PEX1: variants seen among roughly 807,000 people sequenced by gnomAD.
PEX1 encodes the protein peroxisomal biogenesis factor 1.
In PEX1, 97 loss-of-function variants were observed where a neutral mutation model predicts 152.5. The observed-to-expected ratio is 0.64, with a 90% confidence interval of 0.54 to 0.75. The LOEUF is 0.75. PEX1 is among the 30% of genes least tolerant of loss of function. PEX1 has a pLI of 0.00. For missense variants in PEX1, 1,357 were observed against 1,516.3 expected, an observed-to-expected ratio of 0.89 and a Z score of 1.74; for synonymous variants, 485 against 531.6, an observed-to-expected ratio of 0.91 and a Z score of 1.21.
intron 5 of PEX1, among the ~76,000 whole-genome samples, chr7:92,517,045 CTGAACCTATCTAAGCT>C (rs1792819256): frequency 6.6e-6 from 1 of 152,194 alleles, no homozygotes; most frequent in Non-Finnish European, 1.5e-5. Context: ...CCTCTCTGGC[CTGAACCTATCTAAGCT>C]TGTACCTATT....
chr7:92,490,610 G>A, intron 21 of PEX1, among the ~76,000 whole-genome samples: 1 of 134,170 alleles, frequency 7.5e-6, no homozygotes, highest in African/African-American at 2.8e-5. Flanking sequence ...ACTCTAGTCT[G>A]GATGATAGAG....
chr7:92,509,459 T>C (rs1411907080), intron 8 of PEX1, 48 bp from the exon 9 acceptor site: 2 of 1,383,194 alleles, frequency 1.4e-6, no homozygotes, highest in Non-Finnish European at 2.1e-6. Context: ...GTATGTCTTT[T>C]GCATGTTTTT....
chr7:92,501,154 G>A (rs1171314097), intron 15 of PEX1, among the ~76,000 whole-genome samples: 4 of 152,040 alleles, frequency 2.6e-5, no homozygotes, highest in Non-Finnish European at 5.9e-5. Context: ...GCAAGACTCC[G>A]TCTCTAAGAA....
Position 92,517,629 on chromosome 7 carries a change from T to C in PEX1, c.886A>G (p.Ser296Gly), listed in dbSNP as rs1360172436. The C allele has an allele frequency of 2.5e-6, 4 of 1,614,032 alleles. No individual in the cohort carries two copies. In the East Asian group the frequency reaches 8.9e-5, roughly 36 times the overall value. The part of the protein sequence containing the change: ...IFRVCKSQPP[S>G]IYNASATSVF... The stretch of plus-strand genomic sequence containing the variant: ...GAGGTTGCTGACGCGTTATATATAC[T>C]AGGAGGTTGAGATTTGCATACTCTG... The change falls in exon 5 of 24, where the codon AGT becomes GGT. Residue 296 changes from serine to glycine, a missense_variant. Transcript: ENST00000248633.
intron 4 of PEX1, 37 bp downstream of exon 4, chr7:92,518,104 T>C (rs1374078660): frequency 6.2e-7 from 1 of 1,605,696 alleles, no homozygotes; most frequent in East Asian, 2.2e-5. Context: ...AATGCTATAG[T>C]GTAGAATATG....
At chr7:92,523,213 TA>T (rs1183772707) in intron 1 of PEX1, among the ~76,000 whole-genome samples, 1 of 152,256 alleles carries the variant, frequency 6.6e-6, no homozygotes, top group Non-Finnish European at 1.5e-5. Flanking sequence ...CAATTTGGTC[TA>T]TTTCTTGTTA....
chr7:92,502,280 TGTG>T (rs1313742102), intron 13 of PEX1, among the ~76,000 whole-genome samples: 1 of 152,114 alleles, frequency 6.6e-6, no homozygotes, highest in African/African-American at 2.4e-5. Flanking sequence ...TTTCCTTAAT[TGTG>T]GTGATGGTTT....
rs563450575 is a variant in PEX1, at chr7:92,516,517, T to TG, written c.1239+758dup. ...GTATAAAGGTCACAGGTAAAACTGT[T>TG]GGAGAAAAAAAAAAAATCTACAAAA... On this transcript the variant is annotated intron_variant, in intron 5 of 23. Transcript: ENST00000248633. 1.5e-3 allele frequency among the ~76,000 whole-genome samples: 223 copies of TG among 152,012 alleles called. 1 individual carries two copies. The highest frequency in any genetic ancestry group is 5.0e-3 in the African/African-American group (208 of 41,460).
intron 2 of PEX1, among the ~76,000 whole-genome samples, chr7:92,519,672 A>G (rs1792967911): frequency 6.6e-6 from 1 of 152,230 alleles, no homozygotes; most frequent in South Asian, 2.1e-4. Context: ...TGCTTCAAGA[A>G]AAGTGAAAAA....
intron 16 of PEX1, 25 bp downstream of exon 16, chr7:92,499,675 TAAAA>T (rs748303913): frequency 3.2e-6 from 5 of 1,584,084 alleles, no homozygotes; most frequent in Non-Finnish European, 4.3e-6. Flanking sequence ...TTTACCTAAA[TAAAA>T]AAAGAAGATA....
chr7:92,496,914 G>A lies in PEX1; in HGVS notation c.2719-137C>T, dbSNP rs558925234. The A allele has an allele frequency of 5.9e-6, 4 of 677,466 alleles. No homozygotes were observed. In the East Asian group the frequency reaches 8.2e-5, roughly 14 times the overall value. 42.0% of individuals were successfully genotyped at this position (677,466 alleles called of 1,614,324 possible). Reference sequence around the variant, plus strand: ...TCTTTTATACATTTTTAAAATTAATGTGTGCTAGAATAAATATCATACCAC... The same window carrying A: ...TCTTTTATACATTTTTAAAATTAATATGTGCTAGAATAAATATCATACCAC... On this transcript the variant is annotated intron_variant, in intron 16 of 23. Transcript: ENST00000248633.
chr7:92,511,066 T>C lies in PEX1; in HGVS notation c.1484-19A>G. On this transcript the variant is annotated intron_variant, in intron 7 of 23. Transcript: ENST00000248633. ...TTCAGTCCTATTAAAAAGAAAGTAA[T>C]AAATGCAGAGTTAGTACTGAAACAG... 9.1e-7 allele frequency: 1 copy of C among 1,102,270 alleles called. No homozygotes were observed. Among genetic ancestry groups the C allele is most frequent in the Non-Finnish European group, 1.4e-6 (1 of 716,594 alleles). 68.3% of individuals were successfully genotyped at this position (1,102,270 alleles called of 1,614,324 possible).
At chr7:92,488,724 A>C (rs1230978850) in intron 23 of PEX1, among the ~76,000 whole-genome samples, 3 of 151,626 alleles carry the variant, frequency 2.0e-5, no homozygotes, top group Non-Finnish European at 4.4e-5. Flanking sequence ...CTTCGAAGTT[A>C]CTAAATTTTT....
rs533745745 is a variant in PEX1, at chr7:92,509,733, A to C, written c.1588-322T>G. On this transcript the variant is annotated intron_variant, in intron 8 of 23. Transcript: ENST00000248633. ...TTCTCCAAATGGTATTCCTTCAATAACATTTCAAAAATAAAGAAACAATGT... is the reference window on the plus strand; with the variant it reads ...TTCTCCAAATGGTATTCCTTCAATACCATTTCAAAAATAAAGAAACAATGT... Among the ~76,000 whole-genome samples, 13 of 152,332 alleles carry C rather than the reference A, an allele frequency of 8.5e-5. No homozygotes were observed. In the East Asian group the frequency reaches 2.1e-3, roughly 25 times the overall value.
chr7:92,516,046 G>GAAAAA (rs1585251830), intron 5 of PEX1, among the ~76,000 whole-genome samples: 6 of 93,892 alleles, frequency 6.4e-5, no homozygotes, highest in Admixed American at 4.3e-4. Context: ...GAGAAGAGAA[G>GAAAAA]AGAAGAGAAA....
chr7:92,501,830 A>G (rs1791941771), intron 14 of PEX1, 60 bp downstream of exon 14: 3 of 1,480,536 alleles, frequency 2.0e-6, no homozygotes, highest in East Asian at 4.5e-5. Context: ...TCTTACTACA[A>G]TTACATTTCT....
chr7:92,519,202 G>A, intron 2 of PEX1, 124 bp from the exon 3 acceptor site: 2 of 662,662 alleles, frequency 3.0e-6, no homozygotes, highest in South Asian at 3.3e-5. Flanking sequence ...TTTGGATGGG[G>A]GTGTATATGT....
In PEX1 at chr7:92,504,896, CT is replaced by C; in HGVS notation, c.1906del (p.Arg636GlyfsTer9). ...TAGGGTTTTTTGTATGTTTTCAAGCCTTTTTCCTTAATACAGAAGATATGAA... is the reference window on the plus strand; with the variant it reads ...TAGGGTTTTTTGTATGTTTTCAAGCCTTTTCCTTAATACAGAAGATATGAA... ...RVDCKALRGK[R>X]LENIQKTLEV... is the part of the protein sequence containing the mutation. On this transcript the variant is annotated frameshift_variant, in exon 12 of 24. Coordinates refer to ENST00000248633, the MANE Select transcript of PEX1 (RefSeq NM_000466.3). LOFTEE classifies it high-confidence loss of function. The C allele has an allele frequency of 6.2e-7, 1 of 1,612,172 alleles. No individual in the cohort carries two copies. Among genetic ancestry groups the C allele is most frequent in the Non-Finnish European group, 8.5e-7 (1 of 1,178,264 alleles).
intron 20 of PEX1, among the ~76,000 whole-genome samples, chr7:92,492,306 G>A (rs1791375331): frequency 6.6e-6 from 1 of 152,080 alleles, no homozygotes; most frequent in African/African-American, 2.4e-5. Context: ...ACCATGCCCA[G>A]CTAATTTTTA....
Sources: allele counts gnomAD v4.1 joint callset (sites outside exome capture counted in the v4.1 genomes callset), GRCh38; gene constraint gnomAD v4.1.1; transcripts MANE v1.5; gene names NCBI Gene and HGNC (gene_info 2026-07-23, HGNC 2026-07-21).